ANXA7: variants seen among roughly 807,000 people sequenced by gnomAD.
ANXA7 encodes annexin VII.
Under a neutral mutation model 64.9 loss-of-function variants are expected in ANXA7, and 55 were observed. The ratio of observed to expected loss-of-function variants is 0.85; its 90% CI spans 0.68 to 1.06. The LOEUF (loss-of-function observed/expected upper bound fraction) is 1.06, where lower values mean the gene tolerates loss of function less well. Ranked by LOEUF, ANXA7 falls within the 50% of genes least tolerant of loss-of-function variation. ANXA7 has a pLI of 0.00. For synonymous variants in ANXA7, 200 were observed against 192.4 expected (o/e 1.04, Z -0.33); for missense variants, 548 against 582.1 (o/e 0.94, Z 0.60).
At chr10:73,387,579 T>A in intron 7 of ANXA7, 110 bp downstream of exon 7, 2 of 840,624 alleles carry the variant, frequency 2.4e-6, no homozygotes, top group Non-Finnish European at 4.1e-6. Flanking sequence ...TAAAGTCTAG[T>A]TGTCCCTCTT....
At chr10:73,393,999 A>G (rs188636773) in intron 5 of ANXA7, among the ~76,000 whole-genome samples, 92 of 152,322 alleles carry the variant, frequency 6.0e-4, no homozygotes, top group African/African-American at 2.1e-3. Flanking sequence ...CAAAGAACTT[A>G]AACAAATTTA....
intron 12 of ANXA7, among the ~76,000 whole-genome samples, chr10:73,376,512 T>G (rs985147163): frequency 1.3e-5 from 2 of 152,094 alleles, no homozygotes; most frequent in African/African-American, 2.4e-5. Context: ...AAAAAAATAG[T>G]AAGTATTGGC....
chr10:73,413,546 C>A (rs1166649099), intron 1 of ANXA7, among the ~76,000 whole-genome samples: 1 of 152,224 alleles, frequency 6.6e-6, no homozygotes, highest in African/African-American at 2.4e-5. Context: ...CAGTGTACGA[C>A]CTTGGCCTGG....
intron 5 of ANXA7, among the ~76,000 whole-genome samples, chr10:73,390,414 A>G (rs917748319): frequency 6.6e-6 from 1 of 152,076 alleles, no homozygotes; most frequent in Admixed American, 6.6e-5. Flanking sequence ...TCCATCCTCT[A>G]CTAGTTTCCA....
intron 1 of ANXA7, among the ~76,000 whole-genome samples, chr10:73,408,007 G>C (rs1053847793): frequency 1.3e-5 from 2 of 152,090 alleles, no homozygotes; most frequent in Admixed American, 6.5e-5. Flanking sequence ...GAGTAAAGGA[G>C]GGGCAAAAGC....
intron 5 of ANXA7, chr10:73,396,159 C>T (rs935295721): frequency 1.7e-6 from 2 of 1,194,414 alleles, no homozygotes; most frequent in Non-Finnish European, 2.5e-6. Flanking sequence ...AACAAAACCA[C>T]CCTACATAAA....
At position 73,375,688 on chromosome 10, in the gene ANXA7, C is replaced by T. The variant is rs6896; in HGVS notation, c.*407G>A. 146,622 of 152,966 alleles carry T rather than the reference C, an allele frequency of 0.96. 70,339 individuals carry two copies. The highest frequency in any genetic ancestry group is 1 in the East Asian group (5,204 of 5,204). The allele number at this position is 152,966 out of a possible 1,614,324, so 9.5% of individuals were successfully genotyped here. On this transcript the variant is annotated 3_prime_UTR_variant, in exon 13 of 13. Transcript: ENST00000372921. ...TTTTTTAAAGTACACAGTTTTAACA[C>T]ACTATCCACTCTATCAAGCAGACTT...
In ANXA7 at chr10:73,397,260, C is replaced by T. The variant is rs776349812; in HGVS notation, c.274G>A (p.Gly92Arg). 2.5e-6 allele frequency: 4 copies of T among 1,611,544 alleles called. No homozygotes were observed. Among genetic ancestry groups the T allele is most frequent in the Non-Finnish European group, 3.4e-6 (4 of 1,178,438 alleles). ...PSYPGVPPGQ[G>R]FGVPPGGAGF... is the part of the protein sequence containing the mutation. ...GCTCCACCTGGTGGGACTCCAAATCCTTGGCCTGGAGGAACTAGAGAAAAG... is the reference window on the plus strand; with the variant it reads ...GCTCCACCTGGTGGGACTCCAAATCTTTGGCCTGGAGGAACTAGAGAAAAG... Residue 92 changes from glycine to arginine, a missense_variant, in exon 4 of 13, where the codon GGA (glycine) becomes AGA (arginine). Coordinates refer to ENST00000372921, the MANE Select transcript of ANXA7 (RefSeq NM_001156.5).
At chr10:73,394,937 T>G (rs995371805) in intron 5 of ANXA7, among the ~76,000 whole-genome samples, 17 of 152,248 alleles carry the variant, frequency 1.1e-4, no homozygotes, top group African/African-American at 4.1e-4. Context: ...GTCATTCATA[T>G]TCAGTCGTAA....
At chr10:73,400,474 T>C (rs1490007462) in intron 2 of ANXA7, among the ~76,000 whole-genome samples, 1 of 152,222 alleles carries the variant, frequency 6.6e-6, no homozygotes, top group Non-Finnish European at 1.5e-5. Flanking sequence ...TTAACATTTT[T>C]TAAAACTAAC....
intron 3 of ANXA7, 116 bp from the exon 4 acceptor site, chr10:73,397,390 A>G (rs1204639629): frequency 4.3e-6 from 2 of 466,020 alleles, no homozygotes; most frequent in African/African-American, 4.0e-5. Context: ...CTATAATAGC[A>G]GTCCCTGTTT....
intron 12 of ANXA7, 77 bp downstream of exon 12, chr10:73,378,834 A>C (rs541218615): frequency 9.2e-7 from 1 of 1,090,388 alleles, no homozygotes; most frequent in South Asian, 1.3e-5. Context: ...AGGGACTGAC[A>C]ACCAACTGGG....
chr10:73,399,368 T>C (rs1461909341), intron 2 of ANXA7, among the ~76,000 whole-genome samples: 1 of 152,242 alleles, frequency 6.6e-6, no homozygotes, highest in Admixed American at 6.5e-5. Flanking sequence ...GTTTAATACA[T>C]AGGGACTTGG....
At position 73,375,770 on chromosome 10, in the gene ANXA7, A is replaced by G. The variant is rs1645922501; in HGVS notation, c.*325T>C. 1.8e-5 allele frequency: 3 copies of G among 170,754 alleles called. No homozygotes were observed. In the South Asian group the frequency reaches 5.6e-4, roughly 32 times the overall value. 10.6% of individuals were successfully genotyped at this position (170,754 alleles called of 1,614,324 possible). On this transcript the variant is annotated 3_prime_UTR_variant, in exon 13 of 13. Coordinates refer to ENST00000372921, the MANE Select transcript of ANXA7 (RefSeq NM_001156.5). Reference sequence around the variant, plus strand: ...ACCTTCTAAAAAATTATTCAATATTATTACACAGAATCAGAGATTGCTGTG... The same window carrying G: ...ACCTTCTAAAAAATTATTCAATATTGTTACACAGAATCAGAGATTGCTGTG...
intron 7 of ANXA7, 152 bp from the exon 8 acceptor site, chr10:73,383,842 C>T: frequency 1.6e-6 from 1 of 624,824 alleles, no homozygotes; most frequent in Non-Finnish European, 2.8e-6. Flanking sequence ...TAAATAAAGG[C>T]CAGGCGCGGT....
Position 73,379,834 on chromosome 10 carries a change from C to G in ANXA7, c.1165+45G>C, listed in dbSNP as rs749641309. On this transcript the variant is annotated intron_variant, in intron 11 of 12. Coordinates refer to ENST00000372921, the MANE Select transcript of ANXA7 (RefSeq NM_001156.5). ...AATGGGAACAACTATTCAAAGCTCC[C>G]ACTCATTTAAAAAGAAAATAAAGCA... The G allele has an allele frequency of 3.2e-6, 5 of 1,542,144 alleles. No homozygotes were observed. In the Admixed American group the frequency reaches 8.4e-5, roughly 26 times the overall value.
At position 73,376,218 on chromosome 10, in the gene ANXA7, C is replaced by T. The variant is rs2055169657; in HGVS notation, c.1279-1G>A. On this transcript the variant is annotated splice_acceptor_variant, in intron 12 of 12. Coordinates refer to ENST00000372921, the MANE Select transcript of ANXA7 (RefSeq NM_001156.5). LOFTEE classifies it high-confidence loss of function. The stretch of plus-strand genomic sequence containing the variant: ...TCTGTTTTATTTGTACAAGGTCAAT[C>T]TGCATAAGAAATAATATTTCTGTCA... 6.4e-7 allele frequency: 1 copy of T among 1,562,230 alleles called. No homozygotes were observed. Among genetic ancestry groups the T allele is most frequent in the Admixed American group, 2.0e-5 (1 of 49,738 alleles).
In ANXA7 at chr10:73,383,673, G is replaced by C. The variant is rs779000183; in HGVS notation, c.651C>G (p.Leu217=). 16 of 1,609,072 alleles carry C rather than the reference G, an allele frequency of 9.9e-6. No individual in the cohort carries two copies. The highest frequency in any genetic ancestry group is 2.2e-5 in the South Asian group (2 of 90,866). Residue 217 remains leucine (L), a synonymous_variant, in exon 8 of 13, where the codon CTC becomes CTG. Coordinates refer to ENST00000372921, the MANE Select transcript of ANXA7 (RefSeq NM_001156.5). The part of the protein sequence containing the change: ...TSYGKDLIKD[L]KSELSGNMEE... ...CCATATTTCCACTTAACTCTGATTT[G>C]AGATCTTTGATTAAATCCTATTTAA...
chr10:73,383,530 A>G lies in ANXA7; in HGVS notation c.747+47T>C, dbSNP rs749389487. On this transcript the variant is annotated intron_variant, in intron 8 of 12. Transcript: ENST00000372921. ...ACTGTCATAATTTGTACGGTTTTAC[A>G]TATGAAATAGGACAAAATATTCATA... 12 of 1,464,350 alleles carry G rather than the reference A, an allele frequency of 8.2e-6. No individual in the cohort carries two copies. The South Asian group carries it at 1.3e-4, about 16-fold the overall frequency. The allele number at this position is 1,464,350 out of a possible 1,614,324, so 90.7% of individuals were successfully genotyped here.
Sources: allele counts gnomAD v4.1 joint callset (sites outside exome capture counted in the v4.1 genomes callset), GRCh38; gene constraint gnomAD v4.1.1; transcripts MANE v1.5; gene names NCBI Gene and HGNC (gene_info 2026-07-23, HGNC 2026-07-21).